Variants in PCDH9 observed in about 807,000 individuals in gnomAD.
The protein encoded by PCDH9 is protocadherin 9.
A neutral mutation model predicts 70.6 loss-of-function variants in PCDH9; 24 were observed. The observed-to-expected ratio is 0.34, with a 90% CI of 0.25 to 0.48. The LOEUF (loss-of-function observed/expected upper bound fraction) is 0.48. PCDH9 is among the 20% of genes least tolerant of loss of function. The pLI is 0.99. For missense variants in PCDH9, 1,281 were observed against 1,503.6 expected, an observed-to-expected ratio of 0.85 and a Z score of 2.45; for synonymous variants, 562 against 558.5, an observed-to-expected ratio of 1.01 and a Z score of -0.09.
intron 3 of PCDH9, among the ~76,000 whole-genome samples, chr13:66,772,914 A>G: frequency 7.9e-6 from 1 of 127,060 alleles, no homozygotes; most frequent in African/African-American, 2.8e-5. Flanking sequence ...GTAAACCAGA[A>G]AAAAAAAAAG....
At chr13:66,844,815 T>C (rs1422584000) in intron 3 of PCDH9, among the ~76,000 whole-genome samples, 1 of 152,122 alleles carries the variant, frequency 6.6e-6, no homozygotes, top group African/African-American at 2.4e-5. Context: ...CTCATATTCT[T>C]ATAGAATCTT....
At chr13:67,165,537 G>T (rs1566468087) in intron 2 of PCDH9, among the ~76,000 whole-genome samples, 1 of 151,964 alleles carries the variant, frequency 6.6e-6, no homozygotes, top group Non-Finnish European at 1.5e-5. Flanking sequence ...GGTCAAGACT[G>T]TCCTGGGCTT....
intron 3 of PCDH9, among the ~76,000 whole-genome samples, chr13:66,647,368 G>A (rs2077785882): frequency 6.6e-6 from 1 of 152,120 alleles, no homozygotes; most frequent in African/African-American, 2.4e-5. Flanking sequence ...ACCATAGTAG[G>A]ATAGAGCACC....
At chr13:67,134,670 C>T (rs551472313) in intron 2 of PCDH9, among the ~76,000 whole-genome samples, 1 of 152,196 alleles carries the variant, frequency 6.6e-6, no homozygotes, top group East Asian at 1.9e-4. Flanking sequence ...GGGGTGGCTT[C>T]TTGCTACGGT....
At chr13:66,730,864 T>G (rs79077052) in intron 3 of PCDH9, among the ~76,000 whole-genome samples, 5,243 of 122,172 alleles carry the variant, frequency 0.043, 219 homozygotes, top group African/African-American at 0.096. Flanking sequence ...TTTTGTTTTT[T>G]TGTGTGTGTG....
chr13:66,416,138 G>A (rs918317753), intron 4 of PCDH9, among the ~76,000 whole-genome samples: 1 of 152,010 alleles, frequency 6.6e-6, no homozygotes, highest in Non-Finnish European at 1.5e-5. Flanking sequence ...AGAGGAGAAG[G>A]GAATATGTTT....
In PCDH9 at chr13:66,460,658, G is replaced by T. The variant is rs140019972; in HGVS notation, c.3341-155630C>A. 8.5e-3 allele frequency among the ~76,000 whole-genome samples: 1,286 copies of T among 151,782 alleles called. 9 individuals are homozygous for T. Among genetic ancestry groups the T allele is most frequent in the Middle Eastern group, 0.014 (4 of 294 alleles). On this transcript the variant is annotated intron_variant, in intron 4 of 4. Coordinates refer to ENST00000377865, the MANE Select transcript of PCDH9 (RefSeq NM_203487.3). The stretch of plus-strand genomic sequence containing the variant: ...GCGTCTTCCTGTTTTAAAGATACCA[G>T]AATAAAGATACCTGGAATTTTAAGT...
chr13:66,659,586 G>A (rs528550571), intron 3 of PCDH9, among the ~76,000 whole-genome samples: 1 of 107,600 alleles, frequency 9.3e-6, no homozygotes, highest in East Asian at 2.6e-4. Flanking sequence ...CAAAGAAGAG[G>A]TTTGCTTAAT....
intron 4 of PCDH9, among the ~76,000 whole-genome samples, chr13:66,333,932 T>G: frequency 6.6e-6 from 1 of 152,172 alleles, no homozygotes; most frequent in African/African-American, 2.4e-5. Flanking sequence ...CTCTTACTGA[T>G]ACATAATAAT....
At chr13:67,002,714 TA>T (rs201905350) in intron 2 of PCDH9, among the ~76,000 whole-genome samples, 1,766 of 152,246 alleles carry the variant, frequency 0.012, 30 homozygotes, top group African/African-American at 0.038. Context: ...TTTAATCTTC[TA>T]TGAACTTCTT....
chr13:66,437,160 C>T (rs1054269056), intron 4 of PCDH9, among the ~76,000 whole-genome samples: 5 of 151,566 alleles, frequency 3.3e-5, no homozygotes, highest in Non-Finnish European at 5.9e-5. Flanking sequence ...GTAATCTCAG[C>T]ACTTTGGGAG....
At chr13:66,909,009 A>T (rs942409981) in intron 2 of PCDH9, among the ~76,000 whole-genome samples, 4 of 152,190 alleles carry the variant, frequency 2.6e-5, no homozygotes, top group Non-Finnish European at 5.9e-5. Context: ...GCAGACCCTA[A>T]AATGATATGA....
intron 2 of PCDH9, among the ~76,000 whole-genome samples, chr13:67,057,775 G>T (rs577603510): frequency 6.6e-6 from 1 of 151,952 alleles, no homozygotes; most frequent in Non-Finnish European, 1.5e-5. Flanking sequence ...AATTTGCTCT[G>T]ATAATAAATA....
intron 2 of PCDH9, chr13:67,211,293 A>G (rs2138082623): frequency 6.6e-6 from 1 of 152,148 alleles, no homozygotes; most frequent in South Asian, 2.1e-4. Flanking sequence ...CCTAAGCCTA[A>G]GCATCCACAG....
intron 4 of PCDH9, among the ~76,000 whole-genome samples, chr13:66,369,347 C>T (rs1204357340): frequency 2.0e-5 from 3 of 152,118 alleles, no homozygotes; most frequent in South Asian, 2.1e-4. Context: ...CTTATACTAA[C>T]ACAATTTTGT....
At chr13:67,151,802 A>G (rs750628019) in intron 2 of PCDH9, among the ~76,000 whole-genome samples, 1 of 152,106 alleles carries the variant, frequency 6.6e-6, no homozygotes, top group Non-Finnish European at 1.5e-5. Flanking sequence ...TAAAGGACTC[A>G]GGAAGTATCA....
chr13:66,400,181 T>C (rs752134128), intron 4 of PCDH9, among the ~76,000 whole-genome samples: 7 of 152,180 alleles, frequency 4.6e-5, no homozygotes, highest in East Asian at 1.9e-4. Context: ...AAACAGTATT[T>C]TTCTACTTCC....
intron 2 of PCDH9, among the ~76,000 whole-genome samples, chr13:67,104,584 T>C (rs1594517206): frequency 6.6e-6 from 1 of 152,152 alleles, no homozygotes. Flanking sequence ...AGTCTCGCTC[T>C]GTCGCCCAGG....
chr13:67,137,793 G>C (rs934759015), intron 2 of PCDH9, among the ~76,000 whole-genome samples: 1 of 152,006 alleles, frequency 6.6e-6, no homozygotes, highest in Non-Finnish European at 1.5e-5. Flanking sequence ...AATGTCATCA[G>C]CCACAGGGAT....
Sources: allele counts gnomAD v4.1 joint callset (sites outside exome capture counted in the v4.1 genomes callset), GRCh38; gene constraint gnomAD v4.1.1; transcripts MANE v1.5; gene names NCBI Gene and HGNC (gene_info 2026-07-23, HGNC 2026-07-21).